FOXE3: variants seen among roughly 807,000 people sequenced by gnomAD.
The protein encoded by FOXE3 is forkhead box E3, also known as forkhead box protein E3.
For missense variants in FOXE3, 520 were observed against 507.8 expected (o/e 1.02, Z -0.23); for synonymous variants, 274 against 258.3 (o/e 1.06, Z -0.58).
In FOXE3 at chr1:47,417,325, G is replaced by A. The variant is rs1483724168; in HGVS notation, c.*50G>A. 17 of 1,290,944 alleles carry A rather than the reference G, an allele frequency of 1.3e-5. No homozygotes were observed. The highest frequency in any genetic ancestry group is 1.7e-5 in the Non-Finnish European group (17 of 1,018,398). The allele number at this position is 1,290,944 out of a possible 1,614,324, so 80.0% of individuals were successfully genotyped here. A position where few individuals can be genotyped will look rare whatever the true frequency, so the allele number is the denominator to read the frequency against. ...TGTGCGACCTGTGCCCCGGACCTGC[G>A]GCGCCGCCCTCGAGCGCCCCATCTC... On this transcript the variant is annotated 3_prime_UTR_variant, in exon 1 of 1. Transcript: ENST00000335071. The surrounding 1 kb of genome is among the most constrained non-coding windows in gnomAD (Gnocchi z 4.3).
Position 47,417,032 on chromosome 1 carries a change from C to T in FOXE3, c.717C>T (p.Cys239=). 1 of 1,323,420 alleles carries T rather than the reference C, an allele frequency of 7.6e-7. No individual in the cohort carries two copies. The highest frequency in any genetic ancestry group is 9.7e-7 in the Non-Finnish European group (1 of 1,035,964). 82.0% of individuals were successfully genotyped at this position (1,323,420 alleles called of 1,614,324 possible). A position where few individuals can be genotyped will look rare whatever the true frequency, so the allele number is the denominator to read the frequency against. ...LAGLGAPEPP[C]CAAPDAAAAA... is the part of the protein sequence containing the mutation. ...GGCTGGGCGCCCCCGAGCCGCCCTGCTGCGCCGCGCCCGACGCCGCAGCCG... is the reference window on the plus strand; with the variant it reads ...GGCTGGGCGCCCCCGAGCCGCCCTGTTGCGCCGCGCCCGACGCCGCAGCCG... The change falls in exon 1 of 1, where the codon TGC becomes TGT. Residue 239 remains cysteine (C), a synonymous_variant. Transcript: ENST00000335071. This position sits in a 1 kb window ranked among gnomAD's most constrained non-coding sequence, Gnocchi z 4.3.
rs775343166 is a variant in FOXE3 at position 47,416,493 on chromosome 1, GGGC to G, written c.194_196del (p.Arg65del). ...GGCCCCCACGCCCGCGCCCGGCCCGGGGCGGCGGCGGCGGCGGCCCCTGCAGCG... is the reference window on the plus strand; with the variant it reads ...GGCCCCCACGCCCGCGCCCGGCCCGGGGCGGCGGCGGCGGCCCCTGCAGCG... On this transcript the variant is annotated inframe_deletion, in exon 1 of 1. Transcript: ENST00000335071. The surrounding 1 kb of genome is among the most constrained non-coding windows in gnomAD (Gnocchi z 4.2). The G allele has an allele frequency of 3.1e-4, 387 of 1,235,852 alleles. No individual in the cohort carries two copies. Among genetic ancestry groups the G allele is most frequent in the South Asian group, 1.2e-3 (43 of 37,066 alleles). 76.6% of individuals were successfully genotyped at this position (1,235,852 alleles called of 1,614,324 possible).
rs1225970688 is a variant in FOXE3 at position 47,416,492 on chromosome 1, G to A, written c.177G>A (p.Pro59=). The stretch of plus-strand genomic sequence containing the variant: ...CGGCCCCCACGCCCGCGCCCGGCCC[G>A]GGGCGGCGGCGGCGGCGGCCCCTGC... ...GEAAPTPAPG[P]GRRRRRPLQR... The change falls in exon 1 of 1, where the codon CCG becomes CCA. Residue 59 remains proline, a synonymous_variant. Coordinates refer to ENST00000335071, the MANE Select transcript of FOXE3 (RefSeq NM_012186.3). The surrounding 1 kb of genome is among the most constrained non-coding windows in gnomAD (Gnocchi z 4.2). 4.1e-6 allele frequency: 5 copies of A among 1,214,256 alleles called. No individual in the cohort carries two copies. The highest frequency in any genetic ancestry group is 5.2e-6 in the Non-Finnish European group (5 of 970,606). The allele number at this position is 1,214,256 out of a possible 1,614,324, so 75.2% of individuals were successfully genotyped here.
Position 47,416,576 on chromosome 1 carries a change from C to G in FOXE3, c.261C>G (p.Ala87=). Residue 87 remains alanine (A), a synonymous_variant, in exon 1 of 1, where the codon GCC becomes GCG. Coordinates refer to ENST00000335071, the MANE Select transcript of FOXE3 (RefSeq NM_012186.3). The surrounding 1 kb of genome is among the most constrained non-coding windows in gnomAD (Gnocchi z 4.2). ...IALIAMALAH[A]PGRRLTLAAI... ...TCATCGCCATGGCTCTGGCGCACGC[C>G]CCGGGCCGCCGCCTCACGCTGGCCG... is the stretch of plus-strand genomic sequence containing the variant. 6.2e-7 allele frequency: 1 copy of G among 1,605,834 alleles called. No individual in the cohort carries two copies. Among genetic ancestry groups the G allele is most frequent in the Non-Finnish European group, 8.5e-7 (1 of 1,176,154 alleles).
At position 47,416,296 on chromosome 1, in the gene FOXE3, G is replaced by T; in HGVS notation, c.-20G>T. 1 of 1,299,808 alleles carries T rather than the reference G, an allele frequency of 7.7e-7. No homozygotes were observed. The highest frequency in any genetic ancestry group is 2.2e-5 in the South Asian group (1 of 46,370). 80.5% of individuals were successfully genotyped at this position (1,299,808 alleles called of 1,614,324 possible). A position where few individuals can be genotyped will look rare whatever the true frequency, so the allele number is the denominator to read the frequency against. The stretch of plus-strand genomic sequence containing the variant: ...GCCCCTGCGGTCCCGGAGCCGCGCG[G>T]GCAGGGGCTGCCGCAGCCGATGGCG... On this transcript the variant is annotated 5_prime_UTR_variant, in exon 1 of 1. Coordinates refer to ENST00000335071, the MANE Select transcript of FOXE3 (RefSeq NM_012186.3). This position sits in a 1 kb window ranked among gnomAD's most constrained non-coding sequence, Gnocchi z 4.2.
chr1:47,416,292 C>T lies in FOXE3; in HGVS notation c.-24C>T. 7.8e-7 allele frequency: 1 copy of T among 1,276,656 alleles called. No homozygotes were observed. Among genetic ancestry groups the T allele is most frequent in the South Asian group, 2.4e-5 (1 of 42,222 alleles). 79.1% of individuals were successfully genotyped at this position (1,276,656 alleles called of 1,614,324 possible). Reference sequence around the variant, plus strand: ...GGCGGCCCCTGCGGTCCCGGAGCCGCGCGGGCAGGGGCTGCCGCAGCCGAT... The same window carrying T: ...GGCGGCCCCTGCGGTCCCGGAGCCGTGCGGGCAGGGGCTGCCGCAGCCGAT... On this transcript the variant is annotated 5_prime_UTR_variant, in exon 1 of 1. Transcript: ENST00000335071. The surrounding 1 kb of genome is among the most constrained non-coding windows in gnomAD (Gnocchi z 4.2).
chr1:47,417,048 G>C lies in FOXE3; in HGVS notation c.733G>C (p.Ala245Pro). The change falls in exon 1 of 1, where the codon GCC becomes CCC. Residue 245 changes from alanine (A) to proline (P), a missense_variant. Ala to Pro is a conservative substitution (Grantham distance 27, BLOSUM62 -1). Coordinates refer to ENST00000335071, the MANE Select transcript of FOXE3 (RefSeq NM_012186.3). The surrounding 1 kb of genome is among the most constrained non-coding windows in gnomAD (Gnocchi z 4.3). ...GCCGCCCTGCTGCGCCGCGCCCGAC[G>C]CCGCAGCCGCAGCCTTCCCGCCCTG... Reference protein sequence around the residue: ...PEPPCCAAPDAAAAAFPPCAA... With the variant: ...PEPPCCAAPDPAAAAFPPCAA... The C allele has an allele frequency of 7.6e-7, 1 of 1,319,008 alleles. No homozygotes were observed. The highest frequency in any genetic ancestry group is 9.7e-7 in the Non-Finnish European group (1 of 1,035,044). The allele number at this position is 1,319,008 out of a possible 1,614,324, so 81.7% of individuals were successfully genotyped here. A position where few individuals can be genotyped will look rare whatever the true frequency, so the allele number is the denominator to read the frequency against.
chr1:47,416,957 G>A lies in FOXE3; in HGVS notation c.642G>A (p.Ala214=). The change falls in exon 1 of 1, where the codon GCG becomes GCA. Residue 214 remains alanine, a synonymous_variant. Transcript: ENST00000335071. The surrounding 1 kb of genome is among the most constrained non-coding windows in gnomAD (Gnocchi z 4.2). ...PSAGPGPSPP[A]RLFSVDSLVN... is the part of the protein sequence containing the mutation. ...CCGGACCGGGCCCCTCGCCGCCCGCGCGTCTGTTCAGCGTCGACAGCCTGG... is the reference window on the plus strand; with the variant it reads ...CCGGACCGGGCCCCTCGCCGCCCGCACGTCTGTTCAGCGTCGACAGCCTGG... The A allele has an allele frequency of 7.5e-7, 1 of 1,337,358 alleles. No individual in the cohort carries two copies. The highest frequency in any genetic ancestry group is 9.6e-7 in the Non-Finnish European group (1 of 1,036,564). 82.8% of individuals were successfully genotyped at this position (1,337,358 alleles called of 1,614,324 possible).
chr1:47,416,378 G>A lies in FOXE3; in HGVS notation c.63G>A (p.Ala21=). The A allele has an allele frequency of 2.2e-6, 3 of 1,347,874 alleles. No homozygotes were observed. The highest frequency in any genetic ancestry group is 3.3e-5 in the East Asian group (1 of 30,738). 83.5% of individuals were successfully genotyped at this position (1,347,874 alleles called of 1,614,324 possible). Residue 21 remains alanine, a synonymous_variant, in exon 1 of 1, where the codon GCG becomes GCA. Transcript: ENST00000335071. This position sits in a 1 kb window ranked among gnomAD's most constrained non-coding sequence, Gnocchi z 4.2. ...AAFSGFPALP[A]VAPSGPPPSP... ...TCTCTGGCTTCCCTGCCCTGCCAGC[G>A]GTCGCGCCGTCGGGGCCGCCGCCGT...
Position 47,416,439 on chromosome 1 carries a change from G to C in FOXE3, c.124G>C (p.Glu42Gln). The C allele has an allele frequency of 1.7e-6, 2 of 1,145,010 alleles. No homozygotes were observed. The highest frequency in any genetic ancestry group is 1.6e-5 in the African/African-American group (1 of 60,820). The allele number at this position is 1,145,010 out of a possible 1,614,324, so 70.9% of individuals were successfully genotyped here. A position where few individuals can be genotyped will look rare whatever the true frequency, so the allele number is the denominator to read the frequency against. The change falls in exon 1 of 1, where the codon GAG becomes CAG. Residue 42 changes from glutamate to glutamine, a missense_variant. Glu to Gln is a conservative substitution (Grantham distance 29, BLOSUM62 2). Transcript: ENST00000335071. This position sits in a 1 kb window ranked among gnomAD's most constrained non-coding sequence, Gnocchi z 4.2. ...LAGAEPGREPEEAAAGRGEAA... is the reference protein window; with the variant it reads ...LAGAEPGREPQEAAAGRGEAA... ...AGGAGCCGAGCCAGGGCGGGAGCCA[G>C]AGGAGGCGGCGGCTGGCCGCGGAGA...
In FOXE3 at chr1:47,416,308, C is replaced by A; in HGVS notation, c.-8C>A. ...CCGGAGCCGCGCGGGCAGGGGCTGC[C>A]GCAGCCGATGGCGGGGCGCAGCGAC... On this transcript the variant is annotated 5_prime_UTR_variant, in exon 1 of 1. Transcript: ENST00000335071. This position sits in a 1 kb window ranked among gnomAD's most constrained non-coding sequence, Gnocchi z 4.2. 7.5e-7 allele frequency: 1 copy of A among 1,327,650 alleles called. No individual in the cohort carries two copies. 82.2% of individuals were successfully genotyped at this position (1,327,650 alleles called of 1,614,324 possible).
Position 47,416,298 on chromosome 1 carries a change from C to T in FOXE3, c.-18C>T. The T allele has an allele frequency of 7.7e-7, 1 of 1,302,046 alleles. No homozygotes were observed. The highest frequency in any genetic ancestry group is 2.1e-5 in the South Asian group (1 of 46,614). 80.7% of individuals were successfully genotyped at this position (1,302,046 alleles called of 1,614,324 possible). A position where few individuals can be genotyped will look rare whatever the true frequency, so the allele number is the denominator to read the frequency against. ...CCCTGCGGTCCCGGAGCCGCGCGGG[C>T]AGGGGCTGCCGCAGCCGATGGCGGG... On this transcript the variant is annotated 5_prime_UTR_variant, in exon 1 of 1. Transcript: ENST00000335071. This position sits in a 1 kb window ranked among gnomAD's most constrained non-coding sequence, Gnocchi z 4.2.
chr1:47,416,924 G>A lies in FOXE3; in HGVS notation c.609G>A (p.Pro203=). 7.6e-7 allele frequency: 1 copy of A among 1,317,978 alleles called. No individual in the cohort carries two copies. The allele number at this position is 1,317,978 out of a possible 1,614,324, so 81.6% of individuals were successfully genotyped here. ...CCGGCCCCGCGCTGCTGGTGCCGCC[G>A]CCTTCTGCCGGACCGGGCCCCTCGC... ...PAPGPALLVP[P]PSAGPGPSPP... is the part of the protein sequence containing the mutation. The change falls in exon 1 of 1, where the codon CCG becomes CCA. Residue 203 remains proline (P), a synonymous_variant. Transcript: ENST00000335071. The surrounding 1 kb of genome is among the most constrained non-coding windows in gnomAD (Gnocchi z 4.2).
chr1:47,417,375 C>A lies in FOXE3; in HGVS notation c.*100C>A. The A allele has an allele frequency of 1.0e-6, 1 of 992,506 alleles. No individual in the cohort carries two copies. The highest frequency in any genetic ancestry group is 1.3e-6 in the Non-Finnish European group (1 of 760,498). 61.5% of individuals were successfully genotyped at this position (992,506 alleles called of 1,614,324 possible). On this transcript the variant is annotated 3_prime_UTR_variant, in exon 1 of 1. Coordinates refer to ENST00000335071, the MANE Select transcript of FOXE3 (RefSeq NM_012186.3). The surrounding 1 kb of genome is among the most constrained non-coding windows in gnomAD (Gnocchi z 4.3). ...CTACCCCCCACCCTGGCTTGGAGCA[C>A]ACCCTGCGCCTCTCGTCGTGGCCTC...
Position 47,416,458 on chromosome 1 carries a change from G to A in FOXE3, c.143G>A (p.Arg48His). The change falls in exon 1 of 1, where the codon CGC becomes CAC. Residue 48 changes from arginine (R) to histidine (H), a missense_variant. Physicochemically the swap from Arg to His is conservative, Grantham distance 29. Transcript: ENST00000335071. The surrounding 1 kb of genome is among the most constrained non-coding windows in gnomAD (Gnocchi z 4.2). ...GREPEEAAAG[R>H]GEAAPTPAPG... Reference sequence around the variant, plus strand: ...GAGCCAGAGGAGGCGGCGGCTGGCCGCGGAGAGGCGGCCCCCACGCCCGCG... The same window carrying A: ...GAGCCAGAGGAGGCGGCGGCTGGCCACGGAGAGGCGGCCCCCACGCCCGCG... 1 of 1,114,698 alleles carries A rather than the reference G, an allele frequency of 9.0e-7. No individual in the cohort carries two copies. The highest frequency in any genetic ancestry group is 4.9e-5 in the East Asian group (1 of 20,482). The allele number at this position is 1,114,698 out of a possible 1,614,324, so 69.1% of individuals were successfully genotyped here.
Position 47,416,539 on chromosome 1 carries a change from C to A in FOXE3, c.224C>A (p.Ser75Ter), listed in dbSNP as rs750769299. Residue 75 changes from serine to a stop codon, truncating the protein, a stop_gained, in exon 1 of 1, where the codon TCG becomes TAG. Coordinates refer to ENST00000335071, the MANE Select transcript of FOXE3 (RefSeq NM_012186.3). LOFTEE classifies it low-confidence loss of function (END_TRUNC). The surrounding 1 kb of genome is among the most constrained non-coding windows in gnomAD (Gnocchi z 4.2). ...CTGCAGCGCGGGAAGCCGCCCTACT[C>A]GTACATCGCGCTCATCGCCATGGCT... ...RPLQRGKPPY[S>*]YIALIAMALA... 2 of 1,569,858 alleles carry A rather than the reference C, an allele frequency of 1.3e-6. No homozygotes were observed. The highest frequency in any genetic ancestry group is 2.8e-5 in the African/African-American group (2 of 72,394).
At position 47,417,317 on chromosome 1, in the gene FOXE3, G is replaced by C. The variant is rs1209671242; in HGVS notation, c.*42G>C. Reference sequence around the variant, plus strand: ...CAGGCACCTGTGCGACCTGTGCCCCGGACCTGCGGCGCCGCCCTCGAGCGC... The same window carrying C: ...CAGGCACCTGTGCGACCTGTGCCCCCGACCTGCGGCGCCGCCCTCGAGCGC... On this transcript the variant is annotated 3_prime_UTR_variant, in exon 1 of 1. Transcript: ENST00000335071. The surrounding 1 kb of genome is among the most constrained non-coding windows in gnomAD (Gnocchi z 4.3). The C allele has an allele frequency of 1.5e-6, 2 of 1,301,540 alleles. No individual in the cohort carries two copies. Among genetic ancestry groups the C allele is most frequent in the East Asian group, 3.2e-5 (1 of 31,480 alleles). The allele number at this position is 1,301,540 out of a possible 1,614,324, so 80.6% of individuals were successfully genotyped here.
At position 47,417,515 on chromosome 1, in the gene FOXE3, C is replaced by A; in HGVS notation, c.*240C>A. On this transcript the variant is annotated 3_prime_UTR_variant, in exon 1 of 1. Transcript: ENST00000335071. The surrounding 1 kb of genome is among the most constrained non-coding windows in gnomAD (Gnocchi z 4.3). ...GACCTGCCAGCCTCTCATTTCTTCTCCCTCCACTTGTGAGCGCCCCCAGCT... is the reference window on the plus strand; with the variant it reads ...GACCTGCCAGCCTCTCATTTCTTCTACCTCCACTTGTGAGCGCCCCCAGCT... 1 of 361,198 alleles carries A rather than the reference C, an allele frequency of 2.8e-6. No individual in the cohort carries two copies. 22.4% of individuals were successfully genotyped at this position (361,198 alleles called of 1,614,324 possible).
chr1:47,417,466 C>A lies in FOXE3; in HGVS notation c.*191C>A. ...CCCTGGGGAGGCTCCCACCATCTCG[C>A]CACTGGACAGAAGCGTCCCCTTTGA... On this transcript the variant is annotated 3_prime_UTR_variant, in exon 1 of 1. Coordinates refer to ENST00000335071, the MANE Select transcript of FOXE3 (RefSeq NM_012186.3). The surrounding 1 kb of genome is among the most constrained non-coding windows in gnomAD (Gnocchi z 4.3). 1 of 419,468 alleles carries A rather than the reference C, an allele frequency of 2.4e-6. No individual in the cohort carries two copies. The highest frequency in any genetic ancestry group is 2.1e-5 in the African/African-American group (1 of 48,108). 26.0% of individuals were successfully genotyped at this position (419,468 alleles called of 1,614,324 possible).
Sources: allele counts gnomAD v4.1 joint callset, GRCh38; gene constraint gnomAD v4.1.1; non-coding constraint Gnocchi (gnomAD v3.1); transcripts MANE v1.5; gene names NCBI Gene and HGNC (gene_info 2026-07-23, HGNC 2026-07-21).